F8: variants seen among roughly 807,000 people sequenced by gnomAD.
F8 encodes antihemophilic factor.
In F8, 12 loss-of-function variants were observed where a neutral mutation model predicts 140.6. The ratio of observed to expected loss-of-function variants is 0.09; its 90% confidence interval spans 0.05 to 0.14. The LOEUF (loss-of-function observed/expected upper bound fraction) is 0.14, where lower values mean the gene tolerates loss of function less well. F8 is among the 10% of genes least tolerant of loss of function. The probability of loss-of-function intolerance (pLI) is 1.00; values close to 1 mark genes in which losing one functional copy is unlikely to be tolerated. For synonymous variants in F8, 585 were observed against 614.6 expected, an observed-to-expected ratio of 0.95 and a Z score of 0.71; for missense variants, 1,354 against 1,720.7, an observed-to-expected ratio of 0.79 and a Z score of 3.77.
At chrX:154,985,292 C>T (rs931932155) in intron 5 of F8, among the ~76,000 whole-genome samples, 2 of 110,397 alleles carry the variant, frequency 1.8e-5, no homozygotes, top group Non-Finnish European at 3.8e-5. Flanking sequence ...ACAAATTAGG[C>T]GGGCATGGTG....
intron 1 of F8, among the ~76,000 whole-genome samples, chrX:155,002,612 TACACACACACACACAC>T (rs368675926): frequency 1.0e-5 from 1 of 98,632 alleles, no homozygotes; most frequent in Non-Finnish European, 2.1e-5. Flanking sequence ...GGCATATATT[TACACACACACACACAC>T]ACACACACAC....
chrX:154,924,530 T>C (rs1030330454), intron 14 of F8, among the ~76,000 whole-genome samples: 1 of 111,583 alleles, frequency 9.0e-6, no homozygotes, highest in African/African-American at 3.3e-5. Context: ...TTGAAAGAGA[T>C]GATTTAGGGT....
chrX:155,008,178 C>T (rs1470353992), intron 1 of F8, among the ~76,000 whole-genome samples: 1 of 111,359 alleles, frequency 9.0e-6, no homozygotes, highest in African/African-American at 3.3e-5. Context: ...GGAGGGCCAG[C>T]CTCCAAGGTG....
rs28370199 is a variant in F8, at chrX:154,999,347, C to A, written c.265+132G>T. The A allele has an allele frequency of 2.0e-3, 1,414 of 712,651 alleles. 14 individuals are homozygous for A. In the African/African-American group the frequency reaches 0.026, roughly 13 times the overall value. 58.7% of individuals were successfully genotyped at this position (712,651 alleles called of 1,213,427 possible). A position where few individuals can be genotyped will look rare whatever the true frequency, so the allele number is the denominator to read the frequency against. On this transcript the variant is annotated intron_variant, in intron 2 of 25. Transcript: ENST00000360256. ...CAGAAAATGCAGTCAGTGTATTTCCCTATAGGTAGCAGTTAGGGAAACATT... is the reference window on the plus strand; with the variant it reads ...CAGAAAATGCAGTCAGTGTATTTCCATATAGGTAGCAGTTAGGGAAACATT...
intron 13 of F8, among the ~76,000 whole-genome samples, chrX:154,945,862 A>G (rs2073301192): frequency 8.9e-6 from 1 of 112,213 alleles, no homozygotes; most frequent in African/African-American, 3.2e-5. Context: ...CCATCAAAAA[A>G]CTATTAGAAC....
chrX:155,010,126 C>T (rs1009049243), intron 1 of F8, among the ~76,000 whole-genome samples: 2 of 112,216 alleles, frequency 1.8e-5, no homozygotes, highest in South Asian at 3.7e-4. Flanking sequence ...ATATTTTCCA[C>T]GCTGGCAGAA....
At chrX:154,958,980 C>T (rs1557281425) in intron 10 of F8, among the ~76,000 whole-genome samples, 1 of 111,686 alleles carries the variant, frequency 9.0e-6, no homozygotes, top group African/African-American at 3.3e-5. Flanking sequence ...AAAGTTCACC[C>T]TCTATGTACC....
intron 25 of F8, among the ~76,000 whole-genome samples, chrX:154,839,201 C>T (rs1207280036): frequency 2.7e-5 from 3 of 109,189 alleles, no homozygotes; most frequent in African/African-American, 1.0e-4. Context: ...CTTCTTTTAT[C>T]CATGTTTTTT....
chrX:154,935,374 C>T (rs1179967488), intron 13 of F8, among the ~76,000 whole-genome samples: 1 of 111,602 alleles, frequency 9.0e-6, no homozygotes. Flanking sequence ...CAGAAATAAA[C>T]TCTCACATTT....
chrX:154,839,648 G>A (rs1557271222), intron 25 of F8, among the ~76,000 whole-genome samples: 1 of 111,282 alleles, frequency 9.0e-6, no homozygotes, highest in Admixed American at 9.5e-5. Context: ...TCTTTAGAAA[G>A]GTCTTCCTCA....
chrX:154,907,472 G>C (rs969955165), intron 14 of F8, among the ~76,000 whole-genome samples: 1 of 112,058 alleles, frequency 8.9e-6, no homozygotes, highest in Non-Finnish European at 1.9e-5. Context: ...GGAATTACTA[G>C]GTATGCATGT....
At chrX:154,860,711 C>G (rs28370248) in intron 24 of F8, 103 bp from the exon 25 acceptor site, 1 of 803,945 alleles carries the variant, frequency 1.2e-6, no homozygotes, top group African/African-American at 2.0e-5. Flanking sequence ...ACTCTACTTT[C>G]TTTTTTGAGA....
rs782089013 is a variant in F8 at position 154,907,783 on chromosome X, T to G, written c.5220-1210A>C. ...GTACCCTATATATCCTTGATATGCT[T>G]TTTTATATATTCCTTGATTGCTGGA... On this transcript the variant is annotated intron_variant, in intron 14 of 25. Transcript: ENST00000360256. 3.6e-5 allele frequency among the ~76,000 whole-genome samples: 4 copies of G among 111,760 alleles called. No homozygotes were observed. In the South Asian group the frequency reaches 1.5e-3, roughly 42 times the overall value.
At chrX:154,980,895 C>A (rs1569559935) in intron 6 of F8, among the ~76,000 whole-genome samples, 1 of 111,447 alleles carries the variant, frequency 9.0e-6, no homozygotes, top group African/African-American at 3.3e-5. Context: ...TGAGCCCAGC[C>A]AGGAGTTCAA....
At chrX:154,958,103 G>A (rs2073374857) in intron 10 of F8, among the ~76,000 whole-genome samples, 1 of 110,664 alleles carries the variant, frequency 9.0e-6, no homozygotes, top group Non-Finnish European at 1.9e-5. Context: ...CCAAATGCTG[G>A]TCTTTTCATA....
chrX:154,947,224 GAAAAAAAAAAAAA>G lies in F8; in HGVS notation c.2113+461_2113+473del, dbSNP rs781928603. Among the ~76,000 whole-genome samples the G allele has an allele frequency of 1.7e-4, 3 of 17,855 alleles. No homozygotes were observed. The highest frequency in any genetic ancestry group is 2.3e-4 in the African/African-American group (1 of 4,405). 15.5% of individuals were successfully genotyped at this position (17,855 alleles called of 115,157 possible). On this transcript the variant is annotated intron_variant, in intron 13 of 25. Coordinates refer to ENST00000360256, the MANE Select transcript of F8 (RefSeq NM_000132.4). ...TGGGCTACAGAGCGAGACTCCGTCT[GAAAAAAAAAAAAA>G]AAAAAAAAAAAAGAAGACATACAAA...
At chrX:155,021,441 T>A (rs2073760252) in intron 1 of F8, among the ~76,000 whole-genome samples, 1 of 110,814 alleles carries the variant, frequency 9.0e-6, no homozygotes, top group Non-Finnish European at 1.9e-5. Flanking sequence ...GACAAAAAAA[T>A]AAAATAAATG....
intron 22 of F8, among the ~76,000 whole-genome samples, chrX:154,891,737 T>C (rs1297955404): frequency 1.8e-5 from 2 of 112,778 alleles, no homozygotes; most frequent in Non-Finnish European, 3.7e-5. Context: ...AATACTTCCA[T>C]ATCAGGTGCC....
At position 154,987,226 on chromosome X, in the gene F8, G is replaced by A. The variant is rs1557284299; in HGVS notation, c.670+11C>T. The A allele has an allele frequency of 3.4e-6, 4 of 1,192,878 alleles. No individual in the cohort carries two copies. In the South Asian group the frequency reaches 7.1e-5, roughly 21 times the overall value. On this transcript the variant is annotated intron_variant, in intron 5 of 25. Coordinates refer to ENST00000360256, the MANE Select transcript of F8 (RefSeq NM_000132.4). ...TTCAGGAATCCAAAATTCAGATTAA[G>A]ACTCACTAACCTTCATCAAATACAG...
Sources: allele counts gnomAD v4.1 joint callset (sites outside exome capture counted in the v4.1 genomes callset), GRCh38; gene constraint gnomAD v4.1.1; transcripts MANE v1.5; gene names NCBI Gene and HGNC (gene_info 2026-07-23, HGNC 2026-07-21).